RREB1: variants seen among roughly 807,000 people sequenced by gnomAD.
RREB1 encodes the protein ras responsive element binding protein 1.
RREB1 carries 27 observed loss-of-function variants against 117.8 expected under a neutral mutation model. The ratio of observed to expected loss-of-function variants is 0.23; its 90% confidence interval spans 0.17 to 0.32. The LOEUF (loss-of-function observed/expected upper bound fraction) is 0.32, where lower values mean the gene tolerates loss of function less well. Ranked by LOEUF, RREB1 falls within the 10% of genes least tolerant of loss-of-function variation. The pLI is 1.00. For synonymous variants in RREB1, 1,298 were observed against 1,026.7 expected, an observed-to-expected ratio of 1.26 and a Z score of -5.05; for missense variants, 2,577 against 2,378.2, an observed-to-expected ratio of 1.08 and a Z score of -1.74.
chr6:7,125,931 G>A (rs989000487), intron 1 of RREB1, among the ~76,000 whole-genome samples: 1 of 152,128 alleles, frequency 6.6e-6, no homozygotes, highest in Non-Finnish European at 1.5e-5. Flanking sequence ...ACTGAATTAC[G>A]GTAAGTACTT....
chr6:7,145,462 G>A (rs566152232), intron 1 of RREB1, among the ~76,000 whole-genome samples: 11 of 152,258 alleles, frequency 7.2e-5, no homozygotes, highest in Admixed American at 7.2e-4. Flanking sequence ...TGCTTCTGTT[G>A]CTAAGCAGGT....
chr6:7,206,822 AAG>A (rs1281943688), intron 6 of RREB1, among the ~76,000 whole-genome samples: 1 of 101,566 alleles, frequency 9.8e-6, no homozygotes, highest in Non-Finnish European at 1.9e-5. Flanking sequence ...CAGGAGCAGC[AAG>A]CATCTTGAGT....
chr6:7,188,411 C>T (rs2113551613), intron 5 of RREB1, among the ~76,000 whole-genome samples: 1 of 152,112 alleles, frequency 6.6e-6, no homozygotes, highest in South Asian at 2.1e-4. Context: ...CCACCACGCC[C>T]AGCCAATTTT....
chr6:7,171,131 CAG>C (rs1764186683), intron 1 of RREB1, among the ~76,000 whole-genome samples: 1 of 152,210 alleles, frequency 6.6e-6, no homozygotes, highest in African/African-American at 2.4e-5. Flanking sequence ...AGGATTCAGG[CAG>C]AGCCTCCTTT....
chr6:7,135,143 T>C (rs1762298129), intron 1 of RREB1, among the ~76,000 whole-genome samples: 1 of 152,230 alleles, frequency 6.6e-6, no homozygotes, highest in African/African-American at 2.4e-5. Flanking sequence ...AAGCCCAACC[T>C]TGATTATGAT....
chr6:7,158,134 A>G (rs1763471525), intron 1 of RREB1, among the ~76,000 whole-genome samples: 1 of 152,090 alleles, frequency 6.6e-6, no homozygotes, highest in Non-Finnish European at 1.5e-5. Context: ...TCTCTGCAAA[A>G]GAATGTAGCC....
intron 1 of RREB1, among the ~76,000 whole-genome samples, chr6:7,114,990 C>CTTT (rs35732894): frequency 6.8e-6 from 1 of 146,744 alleles, no homozygotes; most frequent in Non-Finnish European, 1.5e-5. Flanking sequence ...TGGAGTATAC[C>CTTT]TTTTTTTTTT....
chr6:7,247,336 G>A, intron 12 of RREB1, 115 bp downstream of exon 12: 1 of 921,650 alleles, frequency 1.1e-6, no homozygotes, highest in Non-Finnish European at 1.6e-6. Context: ...TGCTTACGTT[G>A]CCGGTGTGCC....
rs1767787211 is a variant in RREB1, at chr6:7,229,555, C to A, written c.1456C>A (p.Leu486Ile). The part of the protein sequence containing the change: ...MAASAPPQIS[L>I]PPFSKAPAAP... ...AGCCTCGGCTCCCCCTCAGATCAGT[C>A]TTCCGCCCTTCTCCAAGGCCCCTGC... The change falls in exon 10 of 13, where the codon CTT (leucine) becomes ATT (isoleucine). Residue 486 changes from leucine to isoleucine, a missense_variant. Coordinates refer to ENST00000379938, the MANE Select transcript of RREB1 (RefSeq NM_001003699.4). This position sits in a 1 kb window ranked among gnomAD's most constrained non-coding sequence, Gnocchi z 4.5. 1 of 1,613,206 alleles carries A rather than the reference C, an allele frequency of 6.2e-7. No individual in the cohort carries two copies. Among genetic ancestry groups the A allele is most frequent in the Non-Finnish European group, 8.5e-7 (1 of 1,179,456 alleles).
At position 7,230,764 on chromosome 6, in the gene RREB1, G is replaced by T; in HGVS notation, c.2665G>T (p.Ala889Ser). 6.2e-7 allele frequency: 1 copy of T among 1,611,878 alleles called. No individual in the cohort carries two copies. The highest frequency in any genetic ancestry group is 8.5e-7 in the Non-Finnish European group (1 of 1,178,606). The stretch of plus-strand genomic sequence containing the variant: ...CCATGTCTCGATCAAGTTGGAGCCC[G>T]CCAGTAGCTTTGCGGTGGACTTCAA... The part of the protein sequence containing the change: ...PPHVSIKLEP[A>S]SSFAVDFNEP... The change falls in exon 10 of 13, where the codon GCC becomes TCC. Residue 889 changes from alanine (A) to serine (S), a missense_variant. Ala to Ser is a moderately conservative substitution (Grantham distance 99). Coordinates refer to ENST00000379938, the MANE Select transcript of RREB1 (RefSeq NM_001003699.4).
chr6:7,193,551 A>G (rs923859002), intron 6 of RREB1, among the ~76,000 whole-genome samples: 2 of 152,334 alleles, frequency 1.3e-5, no homozygotes, highest in Middle Eastern at 3.4e-3. Context: ...TGAGTACCCC[A>G]TATCCAAAAT....
chr6:7,156,072 A>G (rs1356084350), intron 1 of RREB1, among the ~76,000 whole-genome samples: 1 of 152,188 alleles, frequency 6.6e-6, no homozygotes, highest in Non-Finnish European at 1.5e-5. Flanking sequence ...ATTTGCTGAA[A>G]TTTTTAGTTT....
At chr6:7,149,850 G>C (rs1010665742) in intron 1 of RREB1, among the ~76,000 whole-genome samples, 11 of 151,990 alleles carry the variant, frequency 7.2e-5, no homozygotes, top group African/African-American at 2.7e-4. Flanking sequence ...CACCACGCCT[G>C]GCTAATTTTT....
chr6:7,232,152 G>A (rs549945791), intron 10 of RREB1, among the ~76,000 whole-genome samples: 184 of 152,306 alleles, frequency 1.2e-3, no homozygotes, highest in Non-Finnish European at 1.9e-3. Context: ...GTGTTCATCC[G>A]GGGCGTTTTG....
intron 4 of RREB1, among the ~76,000 whole-genome samples, chr6:7,182,752 G>A (rs181981826): frequency 2.2e-4 from 34 of 152,334 alleles, no homozygotes; most frequent in East Asian, 1.7e-3. Context: ...GGTGGTGGAA[G>A]GAGGCAGAGA....
chr6:7,211,049 T>C (rs1417869943), intron 7 of RREB1, 101 bp downstream of exon 7: 1 of 1,179,760 alleles, frequency 8.5e-7, no homozygotes, highest in African/African-American at 1.5e-5. Flanking sequence ...CAGACATACA[T>C]CCTAAGCTCT....
At chr6:7,210,655 T>A in intron 6 of RREB1, 149 bp from the exon 7 acceptor site, 4 of 619,304 alleles carry the variant, frequency 6.5e-6, no homozygotes, top group Non-Finnish European at 1.1e-5. Context: ...TATAGAGTTT[T>A]AAAAAGATAG....
intron 2 of RREB1, among the ~76,000 whole-genome samples, chr6:7,178,360 T>G (rs1764613642): frequency 6.6e-6 from 1 of 152,214 alleles, no homozygotes; most frequent in South Asian, 2.1e-4. Flanking sequence ...TTGGTTAGTT[T>G]GGGCTGTTGT....
chr6:7,195,308 TA>T (rs1203163845), intron 6 of RREB1, among the ~76,000 whole-genome samples: 2 of 152,202 alleles, frequency 1.3e-5, no homozygotes, highest in Non-Finnish European at 2.9e-5. Context: ...GTAAATCACA[TA>T]AAAGTCATTA....
Sources: gnomAD v4.1 joint callset for allele counts (sites outside exome capture counted in the v4.1 genomes callset) on GRCh38, gnomAD v4.1.1 for gene constraint, Gnocchi (gnomAD v3.1) non-coding constraint, MANE v1.5 for transcripts, NCBI Gene and HGNC (gene_info 2026-07-23, HGNC 2026-07-21) for gene names.